Variants in NTN4 observed in about 807,000 individuals in gnomAD.
NTN4 encodes netrin-4.
Under a neutral mutation model 73.6 loss-of-function variants are expected in NTN4, and 32 were observed. That is an observed-to-expected ratio of 0.44 (90% CI 0.33 to 0.58). The LOEUF (loss-of-function observed/expected upper bound fraction) is 0.58. Among genes scored for constraint, NTN4 ranks in the 20% least tolerant of loss-of-function variants. The probability of loss-of-function intolerance (pLI) is 0.04; values close to 1 mark genes in which losing one functional copy is unlikely to be tolerated. For missense variants in NTN4, 654 were observed against 798.3 expected (o/e 0.82, Z 2.18); for synonymous variants, 258 against 287.5 (o/e 0.90, Z 1.04).
At chr12:95,697,233 G>C (rs904487666) in intron 5 of NTN4, among the ~76,000 whole-genome samples, 1 of 151,510 alleles carries the variant, frequency 6.6e-6, no homozygotes, top group Non-Finnish European at 1.5e-5. Context: ...TTCTCCACCC[G>C]TAAGTACCTT....
intron 7 of NTN4, among the ~76,000 whole-genome samples, chr12:95,678,734 C>G (rs182345817): frequency 3.9e-4 from 60 of 151,970 alleles, no homozygotes; most frequent in African/African-American, 1.3e-3. Flanking sequence ...ATACTGGAAT[C>G]AGTAAACAAG....
chr12:95,722,096 C>T (rs1042825910), intron 3 of NTN4, among the ~76,000 whole-genome samples: 7 of 139,968 alleles, frequency 5.0e-5, no homozygotes, highest in Non-Finnish European at 1.1e-4. Flanking sequence ...GGTAGTATTA[C>T]AGCTAGAACT....
intron 2 of NTN4, among the ~76,000 whole-genome samples, chr12:95,784,506 C>T (rs897359527): frequency 6.6e-6 from 1 of 152,174 alleles, no homozygotes; most frequent in Admixed American, 6.5e-5. Context: ...CAGTGACTCA[C>T]ACCTGTAATC....
chr12:95,766,148 G>A (rs2079020000), intron 2 of NTN4, among the ~76,000 whole-genome samples: 1 of 152,152 alleles, frequency 6.6e-6, no homozygotes, highest in African/African-American at 2.4e-5. Flanking sequence ...TATGTTCAGT[G>A]GCTAAAAAGG....
At chr12:95,690,765 T>A (rs2121017889) in intron 5 of NTN4, among the ~76,000 whole-genome samples, 1 of 152,210 alleles carries the variant, frequency 6.6e-6, no homozygotes, top group South Asian at 2.1e-4. Flanking sequence ...CTCAGTCAAG[T>A]CAATTTGGTT....
At chr12:95,753,296 A>G (rs2078923820) in intron 2 of NTN4, among the ~76,000 whole-genome samples, 1 of 149,838 alleles carries the variant, frequency 6.7e-6, no homozygotes, top group South Asian at 2.2e-4. Context: ...TCCATCTGCT[A>G]TTCTACTACT....
intron 3 of NTN4, among the ~76,000 whole-genome samples, chr12:95,716,080 C>CAAA (rs34692653): frequency 2.0e-4 from 28 of 138,634 alleles, no homozygotes; most frequent in African/African-American, 7.2e-4. Flanking sequence ...TCCTACATGT[C>CAAA]AAAAAAAAAA....
At chr12:95,700,080 A>ATGTTTTTTTTTTTTT (rs2078471798) in intron 5 of NTN4, among the ~76,000 whole-genome samples, 1 of 41,788 alleles carries the variant, frequency 2.4e-5, no homozygotes, top group Non-Finnish European at 4.3e-5. Flanking sequence ...TAAAGTGAGG[A>ATGTTTTTTTTTTTTT]TTTTTTTTTT....
intron 3 of NTN4, among the ~76,000 whole-genome samples, chr12:95,722,743 G>A (rs548243456): frequency 6.6e-5 from 10 of 152,300 alleles, no homozygotes; most frequent in Non-Finnish European, 1.3e-4. Context: ...GGGAGGCCAA[G>A]GCGGGCAGAT....
At chr12:95,733,818 C>T (rs942158273) in intron 3 of NTN4, among the ~76,000 whole-genome samples, 1 of 151,954 alleles carries the variant, frequency 6.6e-6, no homozygotes, top group African/African-American at 2.4e-5. Flanking sequence ...GCCTGTAATC[C>T]CAGCACTTTG....
intron 7 of NTN4, chr12:95,672,325 G>C (rs1592655015): frequency 1.3e-6 from 1 of 784,908 alleles, no homozygotes; most frequent in African/African-American, 1.7e-5. Flanking sequence ...ACAAACTGGT[G>C]CTGATCCAGC....
At chr12:95,790,942 C>T (rs1231699768), upstream of NTN4, among the ~76,000 whole-genome samples, 1 of 136,054 alleles carries the variant, frequency 7.4e-6, no homozygotes, top group Non-Finnish European at 1.5e-5. This position sits in a 1 kb window ranked among gnomAD's most constrained non-coding sequence, Gnocchi z 6.5. Flanking sequence ...GGGGGGGTCC[C>T]CCGCGCCCCG....
At chr12:95,776,759 T>G (rs2079095793) in intron 2 of NTN4, among the ~76,000 whole-genome samples, 1 of 152,156 alleles carries the variant, frequency 6.6e-6, no homozygotes, top group Non-Finnish European at 1.5e-5. Context: ...CCAGGAGAAC[T>G]TCCCCAACCT....
chr12:95,766,233 T>C (rs2079020630), intron 2 of NTN4, among the ~76,000 whole-genome samples: 1 of 152,228 alleles, frequency 6.6e-6, no homozygotes, highest in South Asian at 2.1e-4. Flanking sequence ...CCTGCCTAGC[T>C]AGCTGAAGAC....
chr12:95,768,025 T>C (rs1439154977), intron 2 of NTN4, among the ~76,000 whole-genome samples: 1 of 152,182 alleles, frequency 6.6e-6, no homozygotes, highest in African/African-American at 2.4e-5. Flanking sequence ...TATTCTGCCA[T>C]AAAAGTGCTT....
At chr12:95,713,131 T>G in intron 4 of NTN4, 81 bp downstream of exon 4, 1 of 1,520,186 alleles carries the variant, frequency 6.6e-7, no homozygotes, top group East Asian at 2.3e-5. Context: ...CTTTGTGTTG[T>G]ATTTCTAGAG....
At chr12:95,776,050 G>C (rs571052750) in intron 2 of NTN4, among the ~76,000 whole-genome samples, 1 of 152,316 alleles carries the variant, frequency 6.6e-6, no homozygotes, top group Admixed American at 6.5e-5. Context: ...CAGGCAAACA[G>C]GGTCTGGAGT....
intron 3 of NTN4, among the ~76,000 whole-genome samples, chr12:95,721,772 T>C (rs1181748423): frequency 6.6e-6 from 1 of 152,202 alleles, no homozygotes; most frequent in African/African-American, 2.4e-5. Context: ...GCTGGCTTAT[T>C]TCCATTTTTT....
At chr12:95,768,980 T>C (rs761709001) in intron 2 of NTN4, among the ~76,000 whole-genome samples, 9 of 152,116 alleles carry the variant, frequency 5.9e-5, no homozygotes, top group Non-Finnish European at 1.2e-4. Flanking sequence ...TACATCTATT[T>C]TCTCTGTGAA....
Sources: gnomAD v4.1 joint callset for allele counts (sites outside exome capture counted in the v4.1 genomes callset) on GRCh38, gnomAD v4.1.1 for gene constraint, Gnocchi (gnomAD v3.1) non-coding constraint, MANE v1.5 for transcripts, NCBI Gene and HGNC (gene_info 2026-07-23, HGNC 2026-07-21) for gene names.